Variants in KCNIP4 observed in about 807,000 individuals in gnomAD.
KCNIP4 encodes the protein potassium voltage-gated channel interacting protein 4, also known as Kv channel-interacting protein 4.
A neutral mutation model predicts 34.0 loss-of-function variants in KCNIP4; 12 were observed. The ratio of observed to expected loss-of-function variants is 0.35; its 90% CI spans 0.23 to 0.57. KCNIP4 has a LOEUF of 0.57. Ranked by LOEUF, KCNIP4 falls within the 20% of genes least tolerant of loss-of-function variation. The pLI is 0.83. For synonymous variants in KCNIP4, 124 were observed against 102.2 expected (o/e 1.21, Z -1.29); for missense variants, 238 against 311.7 (o/e 0.76, Z 1.78).
chr4:20,730,225 C>A, intron 8 of KCNIP4, 96 bp from the exon 9 acceptor site: 1 of 1,401,426 alleles, frequency 7.1e-7, no homozygotes, highest in Non-Finnish European at 9.5e-7. Context: ...CATCAACCAC[C>A]TCAACCACCT....
rs536233627 is a variant in KCNIP4 at position 21,918,444 on chromosome 4, C to T, written c.61+30127G>A. Among the ~76,000 whole-genome samples, 11 of 152,178 alleles carry T rather than the reference C, an allele frequency of 7.2e-5. No homozygotes were observed. In the South Asian group the frequency reaches 1.9e-3, roughly 26 times the overall value. Reference sequence around the variant, plus strand: ...AAAAAGAGTTCCACAGGCAAAGACACGAAACTGTGGATTTGCTGAGTGGAG... The same window carrying T: ...AAAAAGAGTTCCACAGGCAAAGACATGAAACTGTGGATTTGCTGAGTGGAG... On this transcript the variant is annotated intron_variant, in intron 1 of 8. Coordinates refer to ENST00000382152, the MANE Select transcript of KCNIP4 (RefSeq NM_025221.6).
chr4:21,252,796 C>T lies in KCNIP4; in HGVS notation c.62-370087G>A, dbSNP rs183179240. Among the ~76,000 whole-genome samples, 330 of 147,846 alleles carry T rather than the reference C, an allele frequency of 2.2e-3. 1 individual carries two copies. Among genetic ancestry groups the T allele is most frequent in the Non-Finnish European group, 5.9e-4 (40 of 67,310 alleles). On this transcript the variant is annotated intron_variant, in intron 1 of 8. Coordinates refer to ENST00000382152, the MANE Select transcript of KCNIP4 (RefSeq NM_025221.6). ...TTTTGTCGTAAGTATTACATGCTAACCTTGTAATGAGAGGGCAGAGAGGTA... is the reference window on the plus strand; with the variant it reads ...TTTTGTCGTAAGTATTACATGCTAATCTTGTAATGAGAGGGCAGAGAGGTA...
intron 2 of KCNIP4, among the ~76,000 whole-genome samples, chr4:20,874,929 G>A (rs766914643): frequency 1.3e-5 from 2 of 152,042 alleles, no homozygotes; most frequent in Non-Finnish European, 2.9e-5. Context: ...TGCCTTTCAT[G>A]GACAGTGAAG....
chr4:20,903,028 T>A (rs13129626), intron 1 of KCNIP4, among the ~76,000 whole-genome samples: 1 of 152,186 alleles, frequency 6.6e-6, no homozygotes, highest in Admixed American at 6.5e-5. Context: ...ATATATGTGG[T>A]GTGCAATTTA....
At chr4:20,916,682 C>T (rs1470987473) in intron 1 of KCNIP4, among the ~76,000 whole-genome samples, 1 of 151,902 alleles carries the variant, frequency 6.6e-6, no homozygotes, top group African/African-American at 2.4e-5. Context: ...TTGCAAAAAT[C>T]TTTTTCCCTC....
At position 21,395,573 on chromosome 4, in the gene KCNIP4, TCA is replaced by T. The variant is rs1722914870; in HGVS notation, c.62-512866_62-512865del. 4.6e-5 allele frequency among the ~76,000 whole-genome samples: 7 copies of T among 152,238 alleles called. No homozygotes were observed. In the South Asian group the frequency reaches 1.2e-3, roughly 27 times the overall value. ...TTAATCCATATTTTGTCAGTTTAGT[TCA>T]CAGACCTCAGAGAGCAAACTTAAGA... On this transcript the variant is annotated intron_variant, in intron 1 of 8. Coordinates refer to ENST00000382152, the MANE Select transcript of KCNIP4 (RefSeq NM_025221.6).
chr4:21,839,709 C>T (rs773280582), intron 1 of KCNIP4, among the ~76,000 whole-genome samples: 7 of 152,078 alleles, frequency 4.6e-5, no homozygotes, highest in Middle Eastern at 3.2e-3. Context: ...GAGCTGAGAT[C>T]GCACCACTGC....
intron 1 of KCNIP4, among the ~76,000 whole-genome samples, chr4:21,072,927 G>C (rs552330245): frequency 0.023 from 3,552 of 152,100 alleles, 125 homozygotes; most frequent in African/African-American, 0.08. Context: ...GCTTGTTTTT[G>C]TCAGGTTTGT....
At chr4:21,247,865 T>TAC (rs546614225) in intron 1 of KCNIP4, among the ~76,000 whole-genome samples, 9,930 of 122,126 alleles carry the variant, frequency 0.081, 582 homozygotes, top group South Asian at 0.15. Flanking sequence ...TATATATATA[T>TAC]ACACACACAC....
intron 1 of KCNIP4, among the ~76,000 whole-genome samples, chr4:21,154,985 T>C (rs1160859744): frequency 6.6e-6 from 1 of 152,190 alleles, no homozygotes; most frequent in Non-Finnish European, 1.5e-5. Context: ...CTCTTTCATA[T>C]TTTTCTATTT....
intron 1 of KCNIP4, among the ~76,000 whole-genome samples, chr4:21,306,329 G>A (rs954610934): frequency 2.2e-4 from 34 of 152,340 alleles, no homozygotes; most frequent in Non-Finnish European, 5.9e-5. Flanking sequence ...TTATCAGCAT[G>A]GGGTGAAGGT....
intron 1 of KCNIP4, among the ~76,000 whole-genome samples, chr4:21,469,780 A>G (rs1730304770): frequency 6.6e-6 from 1 of 152,146 alleles, no homozygotes; most frequent in Non-Finnish European, 1.5e-5. Flanking sequence ...ACGTCTGCTC[A>G]AAGTGTACAT....
chr4:21,282,747 A>G (rs1762859411), intron 1 of KCNIP4, among the ~76,000 whole-genome samples: 1 of 152,040 alleles, frequency 6.6e-6, no homozygotes, highest in Admixed American at 6.6e-5. Flanking sequence ...AAATTCCTTC[A>G]TGCCTCTATG....
At chr4:21,394,348 A>G (rs1240654854) in intron 1 of KCNIP4, among the ~76,000 whole-genome samples, 2 of 152,256 alleles carry the variant, frequency 1.3e-5, no homozygotes, top group African/African-American at 4.8e-5. Context: ...CTACTTCTTC[A>G]GCATCTCCCT....
intron 1 of KCNIP4, among the ~76,000 whole-genome samples, chr4:21,394,759 A>G (rs1438408291): frequency 6.6e-6 from 1 of 152,118 alleles, no homozygotes; most frequent in African/African-American, 2.4e-5. Flanking sequence ...ACTACCCACA[A>G]TGTGCTTCCT....
intron 3 of KCNIP4, among the ~76,000 whole-genome samples, chr4:20,795,162 G>GGACTCTGA (rs887883528): frequency 5.9e-5 from 9 of 152,072 alleles, no homozygotes; most frequent in Admixed American, 4.6e-4. Flanking sequence ...GGAGAAAGTG[G>GGACTCTGA]GACTCTGAAT....
At chr4:21,091,399 G>A (rs971740092) in intron 1 of KCNIP4, among the ~76,000 whole-genome samples, 4 of 152,134 alleles carry the variant, frequency 2.6e-5, no homozygotes, top group Admixed American at 2.6e-4. Flanking sequence ...CCAGAGAAGG[G>A]CATTAAGGCT....
intron 1 of KCNIP4, among the ~76,000 whole-genome samples, chr4:21,405,824 T>G (rs1278072727): frequency 1.3e-5 from 2 of 152,214 alleles, no homozygotes; most frequent in Admixed American, 6.5e-5. Flanking sequence ...GCCTGTCATC[T>G]TTTATTTTAT....
chr4:21,731,204 G>A (rs764424186), intron 1 of KCNIP4, among the ~76,000 whole-genome samples: 15 of 151,818 alleles, frequency 9.9e-5, no homozygotes, highest in Non-Finnish European at 1.9e-4. Flanking sequence ...GGTGAGAGAG[G>A]CTGTCCCACT....
Sources: allele counts gnomAD v4.1 joint callset (sites outside exome capture counted in the v4.1 genomes callset), GRCh38; gene constraint gnomAD v4.1.1; transcripts MANE v1.5; gene names NCBI Gene and HGNC (gene_info 2026-07-23, HGNC 2026-07-21).